The following OSBPL10 variants were observed in gnomAD, a reference collection of about 807,000 sequenced individuals.
OSBPL10 encodes the protein oxysterol binding protein like 10.
OSBPL10 carries 49 observed loss-of-function variants against 81.7 expected under a neutral mutation model. The ratio of observed to expected loss-of-function variants is 0.60; its 90% CI spans 0.48 to 0.76. The LOEUF is 0.76. Ranked by LOEUF, OSBPL10 falls within the 30% of genes least tolerant of loss-of-function variation. OSBPL10 has a pLI of 0.00. For missense variants in OSBPL10, 923 were observed against 987.8 expected (o/e 0.93, Z 0.88); for synonymous variants, 419 against 383.6 (o/e 1.09, Z -1.08).
At chr3:31,839,208 C>T (rs1307181322) in intron 3 of OSBPL10, among the ~76,000 whole-genome samples, 1 of 152,214 alleles carries the variant, frequency 6.6e-6, no homozygotes, top group Non-Finnish European at 1.5e-5. Context: ...TATCTCTTCT[C>T]CTTTTCCAAA....
chr3:31,780,844 AC>A (rs68140940), intron 4 of OSBPL10, among the ~76,000 whole-genome samples: 101,161 of 150,056 alleles, frequency 0.67, 34,114 homozygotes, highest in East Asian at 0.8. Flanking sequence ...CCCCCAAAAA[AC>A]AGTCTAGGAC....
At chr3:31,862,246 T>C (rs1701073818) in intron 3 of OSBPL10, among the ~76,000 whole-genome samples, 1 of 152,180 alleles carries the variant, frequency 6.6e-6, no homozygotes, top group South Asian at 2.1e-4. Context: ...CAGGAAAGCT[T>C]CAAAGAATCT....
At chr3:31,837,370 TATATAG>T (rs1160708199) in intron 3 of OSBPL10, among the ~76,000 whole-genome samples, 2 of 28,906 alleles carry the variant, frequency 6.9e-5, no homozygotes, top group Non-Finnish European at 8.3e-5. Context: ...TATATATATA[TATATAG>T]TAAGTAACAT....
At chr3:32,072,801 G>A (rs918742108) in intron 1 of OSBPL10, among the ~76,000 whole-genome samples, 1 of 152,154 alleles carries the variant, frequency 6.6e-6, no homozygotes, top group African/African-American at 2.4e-5. Flanking sequence ...CACTTTCACT[G>A]GATAGGTAGA....
chr3:31,849,388 C>T (rs1451745634), intron 3 of OSBPL10, among the ~76,000 whole-genome samples: 1 of 151,974 alleles, frequency 6.6e-6, no homozygotes, highest in African/African-American at 2.4e-5. Flanking sequence ...TCTTCTAGTC[C>T]AATCCTCCTT....
At position 31,766,339 on chromosome 3, in the gene OSBPL10, TTTTTTTTG is replaced by T. The variant is rs1193856763; in HGVS notation, c.730-18227_730-18220del. On this transcript the variant is annotated intron_variant, in intron 4 of 11. Coordinates refer to ENST00000396556, the MANE Select transcript of OSBPL10 (RefSeq NM_017784.5). ...CAATGTAGTTTTTTTGTTTTTTTGT[TTTTTTTTG>T]TTTTTTTTTTGAGACACGGTCTCAC... Among the ~76,000 whole-genome samples, 11 of 108,808 alleles carry T rather than the reference TTTTTTTTG, an allele frequency of 1.0e-4. 1 individual carries two copies. The highest frequency in any genetic ancestry group is 8.2e-4 in the South Asian group (3 of 3,676). 71.4% of individuals were successfully genotyped at this position (108,808 alleles called of 152,430 possible). A position where few individuals can be genotyped will look rare whatever the true frequency, so the allele number is the denominator to read the frequency against.
chr3:32,017,978 G>A (rs991286264), intron 2 of OSBPL10, among the ~76,000 whole-genome samples: 8 of 151,710 alleles, frequency 5.3e-5, no homozygotes, highest in East Asian at 1.9e-4. Flanking sequence ...GTGAAACCCC[G>A]TCTCTACTAA....
At chr3:31,981,664 T>TA (rs2125508763), upstream of OSBPL10, 1 of 153,508 alleles carries the variant, frequency 6.5e-6, no homozygotes, top group East Asian at 1.9e-4. The surrounding 1 kb of genome is among the most constrained non-coding windows in gnomAD (Gnocchi z 4.5). Context: ...CCCCACCCCT[T>TA]ATCCACCTCG....
At chr3:31,899,141 C>T (rs113195331) in intron 1 of OSBPL10, among the ~76,000 whole-genome samples, 3,163 of 151,850 alleles carry the variant, frequency 0.021, 114 homozygotes, top group African/African-American at 0.072. Context: ...GGGGTTTCAC[C>T]GTGTTGCCCA....
chr3:31,699,992 C>A (rs1575484439), intron 7 of OSBPL10, among the ~76,000 whole-genome samples: 2 of 152,122 alleles, frequency 1.3e-5, no homozygotes, highest in Admixed American at 1.3e-4. Context: ...GGGGACAGTA[C>A]GGAGAGAGGA....
intron 4 of OSBPL10, among the ~76,000 whole-genome samples, chr3:31,755,525 G>A (rs181601882): frequency 6.6e-6 from 1 of 152,294 alleles, no homozygotes; most frequent in East Asian, 1.9e-4. Flanking sequence ...GGACTTCATG[G>A]TGTCATTATT....
intron 2 of OSBPL10, among the ~76,000 whole-genome samples, chr3:32,037,161 G>A (rs141837427): frequency 2.6e-5 from 4 of 152,270 alleles, no homozygotes; most frequent in African/African-American, 4.8e-5. Context: ...GCTCCCCTAC[G>A]TACCCCGTGT....
chr3:31,726,428 C>T (rs1281307573), intron 6 of OSBPL10, among the ~76,000 whole-genome samples: 2 of 152,016 alleles, frequency 1.3e-5, no homozygotes, highest in African/African-American at 2.4e-5. Context: ...GCGATTCCCC[C>T]TCCTCAGCCT....
intron 6 of OSBPL10, chr3:31,719,019 T>C (rs560812988): frequency 6.6e-6 from 1 of 152,332 alleles, no homozygotes; most frequent in South Asian, 2.1e-4. Context: ...TAAATGTATA[T>C]ATCAGTTAGT....
At chr3:31,938,874 G>T (rs60075610) in intron 1 of OSBPL10, among the ~76,000 whole-genome samples, 2 of 152,032 alleles carry the variant, frequency 1.3e-5, no homozygotes, top group Non-Finnish European at 2.9e-5. Flanking sequence ...ACTCTCAGAC[G>T]ATAACCTCAC....
intron 2 of OSBPL10, among the ~76,000 whole-genome samples, chr3:32,019,173 C>G (rs1699340662): frequency 6.6e-6 from 1 of 152,168 alleles, no homozygotes; most frequent in East Asian, 1.9e-4. Context: ...AATTGGAGCT[C>G]TCCAAAATCC....
chr3:31,715,009 C>T (rs1255016676), intron 6 of OSBPL10: 2 of 147,700 alleles, frequency 1.4e-5, no homozygotes, highest in Non-Finnish European at 3.0e-5. Flanking sequence ...TCTTCAGTTG[C>T]TTCCCACTGC....
At chr3:31,980,344 G>A (rs2125505217) in intron 1 of OSBPL10, among the ~76,000 whole-genome samples, 1 of 152,304 alleles carries the variant, frequency 6.6e-6, no homozygotes, top group South Asian at 2.1e-4. Flanking sequence ...AACATCGGAG[G>A]CTGCAAGGCA....
intron 3 of OSBPL10, among the ~76,000 whole-genome samples, chr3:31,839,798 T>G (rs997483512): frequency 2.7e-5 from 4 of 150,820 alleles, no homozygotes; most frequent in Non-Finnish European, 5.9e-5. Flanking sequence ...GAGAGACTAG[T>G]TCCTGAATTA....
Sources: allele counts gnomAD v4.1 joint callset (sites outside exome capture counted in the v4.1 genomes callset), GRCh38; gene constraint gnomAD v4.1.1; non-coding constraint Gnocchi (gnomAD v3.1); transcripts MANE v1.5; gene names NCBI Gene and HGNC (gene_info 2026-07-23, HGNC 2026-07-21).